RAB11FIP3: variants seen among roughly 807,000 people sequenced by gnomAD.
RAB11FIP3 encodes the protein RAB11 family interacting protein 3, also known as rab11 family-interacting protein 3.
In RAB11FIP3, 17 loss-of-function variants were observed where a neutral mutation model predicts 77.8. That is an observed-to-expected ratio of 0.22 (90% CI 0.15 to 0.33). The LOEUF (loss-of-function observed/expected upper bound fraction) is 0.33, where lower values mean the gene tolerates loss of function less well. Among genes scored for constraint, RAB11FIP3 ranks in the 10% least tolerant of loss-of-function variants. The probability of loss-of-function intolerance (pLI) is 1.00; values close to 1 mark genes in which losing one functional copy is unlikely to be tolerated. For synonymous variants in RAB11FIP3, 437 were observed against 448.2 expected (o/e 0.98, Z 0.31); for missense variants, 1,005 against 1,011.2 (o/e 0.99, Z 0.08).
intron 1 of RAB11FIP3, among the ~76,000 whole-genome samples, chr16:447,741 A>G (rs2055340558): frequency 6.6e-6 from 1 of 152,194 alleles, no homozygotes; most frequent in African/African-American, 2.4e-5. Flanking sequence ...CCATCTCCAA[A>G]AAAGAAAAGA....
chr16:451,517 AAAG>A (rs1424777080), intron 1 of RAB11FIP3: 2 of 152,222 alleles, frequency 1.3e-5, no homozygotes, highest in African/African-American at 2.4e-5. Flanking sequence ...GTCTTGTCAC[AAAG>A]AAGGAGCCCA....
At chr16:497,138 TC>T in intron 6 of RAB11FIP3, 1 of 648,128 alleles carries the variant, frequency 1.5e-6, no homozygotes, top group Admixed American at 3.4e-5. Flanking sequence ...GGGGCCGCCA[TC>T]CCCAGATGTC....
At chr16:518,832 G>T in intron 9 of RAB11FIP3, 111 bp from the exon 10 acceptor site, 1 of 1,038,422 alleles carries the variant, frequency 9.6e-7, no homozygotes. Flanking sequence ...GTTTGGGGGC[G>T]TCTGTTGGTC....
Position 426,383 on chromosome 16 carries a change from C to T in RAB11FIP3, c.377C>T (p.Thr126Ile), listed in dbSNP as rs1596171432. 6.3e-7 allele frequency: 1 copy of T among 1,577,176 alleles called. No individual in the cohort carries two copies. The change falls in exon 1 of 14, where the codon ACT (threonine) becomes ATT (isoleucine). Residue 126 changes from threonine to isoleucine, a missense_variant. This residue lies in a region of RAB11FIP3 where 466 missense variants were observed against 408.3 expected (regional missense o/e 1.14). Transcript: ENST00000262305. The surrounding 1 kb of genome is among the most constrained non-coding windows in gnomAD (Gnocchi z 5.0). ...GAACTCGACCCGTTGTTCTCCTGGACTGAGGAGCCCGAGGAGTGTGGCCCC... is the reference window on the plus strand; with the variant it reads ...GAACTCGACCCGTTGTTCTCCTGGATTGAGGAGCCCGAGGAGTGTGGCCCC... The part of the protein sequence containing the change: ...LPELDPLFSW[T>I]EEPEECGPAS...
chr16:462,792 ATCCCTTCCCCAGCACCG>A (rs2055635750), intron 2 of RAB11FIP3, among the ~76,000 whole-genome samples: 1 of 82,244 alleles, frequency 1.2e-5, no homozygotes, highest in Admixed American at 1.5e-4. Flanking sequence ...CCCCAGCACC[ATCCCTTCCCCAGCACCG>A]TCCCTTCCCC....
chr16:436,916 A>G (rs372780481), intron 1 of RAB11FIP3, among the ~76,000 whole-genome samples: 1 of 152,142 alleles, frequency 6.6e-6, no homozygotes, highest in East Asian at 1.9e-4. Flanking sequence ...CTAGATAGGA[A>G]GAATAAGTCC....
intron 8 of RAB11FIP3, 164 bp from the exon 9 acceptor site, chr16:510,496 C>T: frequency 1.3e-6 from 1 of 790,318 alleles, no homozygotes; most frequent in Non-Finnish European, 1.9e-6. Context: ...GGTGTATTCG[C>T]TGCTTCAGAA....
chr16:428,615 A>G (rs1310771792), intron 1 of RAB11FIP3, among the ~76,000 whole-genome samples: 2 of 152,036 alleles, frequency 1.3e-5, no homozygotes, highest in Non-Finnish European at 2.9e-5. Flanking sequence ...GAAACTGGAA[A>G]CCCAGAAAGG....
chr16:476,674 G>C (rs1357701402), intron 3 of RAB11FIP3, among the ~76,000 whole-genome samples: 3 of 152,082 alleles, frequency 2.0e-5, no homozygotes, highest in Non-Finnish European at 1.5e-5. Flanking sequence ...CACTTTGGGA[G>C]GCTGAGGCAG....
chr16:428,545 A>G (rs2054988376), intron 1 of RAB11FIP3, among the ~76,000 whole-genome samples: 1 of 152,078 alleles, frequency 6.6e-6, no homozygotes, highest in East Asian at 1.9e-4. Context: ...TTTCCACTGG[A>G]TCATACCACA....
intron 2 of RAB11FIP3, among the ~76,000 whole-genome samples, chr16:466,887 C>T (rs1386761200): frequency 6.6e-6 from 1 of 152,160 alleles, no homozygotes; most frequent in Non-Finnish European, 1.5e-5. Flanking sequence ...AGCTAGTCAT[C>T]GTGAGCCGGC....
chr16:454,722 T>A (rs2055467739), intron 1 of RAB11FIP3, among the ~76,000 whole-genome samples: 1 of 152,164 alleles, frequency 6.6e-6, no homozygotes, highest in Non-Finnish European at 1.5e-5. Flanking sequence ...AAGTGTCACA[T>A]ACAGGCTCTT....
intron 5 of RAB11FIP3, among the ~76,000 whole-genome samples, chr16:494,607 G>T (rs2030934701): frequency 6.6e-6 from 1 of 151,964 alleles, no homozygotes; most frequent in Non-Finnish European, 1.5e-5. Context: ...GGGTGACACA[G>T]TGAGACTCCA....
intron 5 of RAB11FIP3, among the ~76,000 whole-genome samples, chr16:493,437 T>C (rs936021226): frequency 3.9e-5 from 6 of 152,084 alleles, no homozygotes; most frequent in Non-Finnish European, 7.4e-5. Context: ...GCTTTGTGGG[T>C]GGCAACAGGT....
At chr16:486,364 C>T (rs1238705206) in intron 4 of RAB11FIP3, among the ~76,000 whole-genome samples, 9 of 152,128 alleles carry the variant, frequency 5.9e-5, no homozygotes, top group African/African-American at 9.7e-5. Context: ...TGGTGGCACG[C>T]ACCTGTAATC....
chr16:463,430 G>GTTTTTTT (rs142875972), intron 2 of RAB11FIP3, among the ~76,000 whole-genome samples: 1 of 82,260 alleles, frequency 1.2e-5, no homozygotes, highest in African/African-American at 4.8e-5. Flanking sequence ...TTGTTCCCCG[G>GTTTTTTT]TTTTTTTTTT....
rs1441445833 is a variant in RAB11FIP3, at chr16:452,880, G to T, written c.715-8524G>T. Among the ~76,000 whole-genome samples, 2 of 68,014 alleles carry T rather than the reference G, an allele frequency of 2.9e-5. 1 individual carries two copies. The highest frequency in any genetic ancestry group is 5.7e-5 in the Non-Finnish European group (2 of 34,784). The allele number at this position is 68,014 out of a possible 152,430, so 44.6% of individuals were successfully genotyped here. On this transcript the variant is annotated intron_variant, in intron 1 of 13. Coordinates refer to ENST00000262305, the MANE Select transcript of RAB11FIP3 (RefSeq NM_014700.4). ...AGTGATTCTCGTGCCTCAGCATCCC[G>T]AGTAGTTGGGACTACAGGCGCCCGC...
Position 510,795 on chromosome 16 carries a change from G to A in RAB11FIP3, c.1635G>A (p.Gln545=). ...AGAGCATTGAGATCGAGAACCTGCA[G>A]ACCAGGTAGGCGGTTCCCAACAGCC... is the stretch of plus-strand genomic sequence containing the variant. ...REKSIEIENL[Q]TRLQQLDEEN... is the part of the protein sequence containing the mutation. The change falls in exon 9 of 14, where the codon CAG becomes CAA. Residue 545 remains glutamine, a synonymous_variant. Transcript: ENST00000262305. The A allele has an allele frequency of 1.2e-6, 2 of 1,613,004 alleles. No individual in the cohort carries two copies. The highest frequency in any genetic ancestry group is 1.7e-6 in the Non-Finnish European group (2 of 1,179,690).
In RAB11FIP3 at chr16:461,259, C is replaced by G. The variant is rs1223639844; in HGVS notation, c.715-145C>G. On this transcript the variant is annotated intron_variant, in intron 1 of 13. Transcript: ENST00000262305. The surrounding 1 kb of genome is among the most constrained non-coding windows in gnomAD (Gnocchi z 4.5). ...TCCTGCTGATCTGACAGGAGGGGAG[C>G]TCAGGCGGTAATGCTCCCTCACCTC... 1.7e-6 allele frequency: 1 copy of G among 592,900 alleles called. No homozygotes were observed. The highest frequency in any genetic ancestry group is 3.0e-6 in the Non-Finnish European group (1 of 334,254). The allele number at this position is 592,900 out of a possible 1,614,324, so 36.7% of individuals were successfully genotyped here. A position where few individuals can be genotyped will look rare whatever the true frequency, so the allele number is the denominator to read the frequency against.
Sources: allele counts gnomAD v4.1 joint callset (sites outside exome capture counted in the v4.1 genomes callset), GRCh38; gene constraint gnomAD v4.1.1; regional missense constraint gnomAD v4.1.1; non-coding constraint Gnocchi (gnomAD v3.1); transcripts MANE v1.5; gene names NCBI Gene and HGNC (gene_info 2026-07-23, HGNC 2026-07-21).